The following CCDC69 variants were observed in gnomAD, a reference collection of about 807,000 sequenced individuals.
CCDC69 encodes the protein coiled-coil domain containing 69, also known as coiled-coil domain-containing protein 69.
CCDC69 carries 38 observed loss-of-function variants against 40.3 expected under a neutral mutation model. That is an observed-to-expected ratio of 0.94 (90% CI 0.73 to 1.24). The LOEUF is 1.24. CCDC69 is among the 50% of genes most tolerant of loss of function. CCDC69 has a pLI of 0.00. For synonymous variants in CCDC69, 141 were observed against 138.9 expected, an observed-to-expected ratio of 1.02 and a Z score of -0.11; for missense variants, 389 against 357.9, an observed-to-expected ratio of 1.09 and a Z score of -0.70.
At chr5:151,185,337 A>T in intron 7 of CCDC69, 85 bp downstream of exon 7, 1 of 1,492,538 alleles carries the variant, frequency 6.7e-7, no homozygotes, top group Non-Finnish European at 9.2e-7. Flanking sequence ...TCCTCAAACC[A>T]CCTCCCCTCT....
chr5:151,219,835 C>G (rs569014589), intron 1 of CCDC69, among the ~76,000 whole-genome samples: 1 of 152,028 alleles, frequency 6.6e-6, no homozygotes. Context: ...ATTTGCTAGT[C>G]GTAGGTTTGC....
intron 5 of CCDC69, 61 bp downstream of exon 5, chr5:151,187,325 T>A: frequency 1.3e-6 from 2 of 1,494,504 alleles, no homozygotes; most frequent in South Asian, 2.3e-5. Flanking sequence ...GGCTCCATGC[T>A]GCTTTCCCAT....
intron 1 of CCDC69, among the ~76,000 whole-genome samples, chr5:151,211,682 C>A (rs978912166): frequency 3.3e-5 from 5 of 152,008 alleles, no homozygotes; most frequent in African/African-American, 9.7e-5. Context: ...TACCACCACA[C>A]CAGGCTAATT....
At chr5:151,215,689 GA>G in intron 1 of CCDC69, 1 of 371,550 alleles carries the variant, frequency 2.7e-6, no homozygotes, top group Non-Finnish European at 5.8e-6. Flanking sequence ...GGGATTGCCT[GA>G]AAGCAGAGAA....
At chr5:151,193,240 G>A (rs940552290) in intron 4 of CCDC69, among the ~76,000 whole-genome samples, 3 of 151,334 alleles carry the variant, frequency 2.0e-5, no homozygotes, top group Non-Finnish European at 4.4e-5. Context: ...CAGGCCAGAT[G>A]CGGTGGCTCA....
At position 151,181,273 on chromosome 5, in the gene CCDC69, G is replaced by C. The variant is rs1013820935; in HGVS notation, c.*2164C>G. The stretch of plus-strand genomic sequence containing the variant: ...GCTCTGTCACCCGGGCTGGAGTGCA[G>C]TGGCGCGATCTTGGCTCACTGCAAG... On this transcript the variant is annotated 3_prime_UTR_variant, in exon 9 of 9. Transcript: ENST00000355417. 6.6e-6 allele frequency: 1 copy of C among 152,192 alleles called. No individual in the cohort carries two copies. The highest frequency in any genetic ancestry group is 6.6e-5 in the Admixed American group (1 of 15,258). The allele number at this position is 152,192 out of a possible 1,614,324, so 9.4% of individuals were successfully genotyped here. A position where few individuals can be genotyped will look rare whatever the true frequency, so the allele number is the denominator to read the frequency against.
intron 1 of CCDC69, among the ~76,000 whole-genome samples, chr5:151,214,932 A>G (rs996569424): frequency 7.9e-5 from 12 of 152,320 alleles, no homozygotes; most frequent in Admixed American, 7.2e-4. Flanking sequence ...AAGCCTTTCT[A>G]ATACACCTTA....
intron 7 of CCDC69, 134 bp from the exon 8 acceptor site, chr5:151,184,575 A>T (rs2113983622): frequency 1.7e-6 from 1 of 574,356 alleles, no homozygotes; most frequent in East Asian, 2.9e-5. Flanking sequence ...ATGGAGCAAT[A>T]AGGTAACTTA....
intron 4 of CCDC69, among the ~76,000 whole-genome samples, chr5:151,191,567 A>G (rs992355029): frequency 6.6e-6 from 1 of 152,198 alleles, no homozygotes; most frequent in African/African-American, 2.4e-5. Flanking sequence ...CAGAAAGAGA[A>G]CCAGAAAATC....
At chr5:151,221,788 C>G (rs1015809419) in intron 1 of CCDC69, among the ~76,000 whole-genome samples, 1 of 152,272 alleles carries the variant, frequency 6.6e-6, no homozygotes, top group African/African-American at 2.4e-5. Flanking sequence ...CCCTCTGTAG[C>G]CTGAGCTCAT....
At position 151,194,820 on chromosome 5, in the gene CCDC69, A is replaced by T. The variant is rs543536317; in HGVS notation, c.319+4177T>A. On this transcript the variant is annotated intron_variant, in intron 4 of 8. Coordinates refer to ENST00000355417, the MANE Select transcript of CCDC69 (RefSeq NM_015621.3). Reference sequence around the variant, plus strand: ...AGGCAAAGAATTGCTTGAACCCGGGAGGCGGAGGTTGCAGTGAGCCGAGAT... The same window carrying T: ...AGGCAAAGAATTGCTTGAACCCGGGTGGCGGAGGTTGCAGTGAGCCGAGAT... 8.7e-5 allele frequency among the ~76,000 whole-genome samples: 12 copies of T among 137,326 alleles called. No individual in the cohort carries two copies. The South Asian group carries it at 1.7e-3, about 20-fold the overall frequency. 90.1% of individuals were successfully genotyped at this position (137,326 alleles called of 152,430 possible). A position where few individuals can be genotyped will look rare whatever the true frequency, so the allele number is the denominator to read the frequency against.
intron 1 of CCDC69, among the ~76,000 whole-genome samples, chr5:151,216,802 T>C (rs1289498799): frequency 6.6e-6 from 1 of 152,166 alleles, no homozygotes; most frequent in Non-Finnish European, 1.5e-5. Context: ...GGTACCTCTC[T>C]TGGAACCTGA....
At chr5:151,200,143 CTT>C (rs200177477) in intron 3 of CCDC69, among the ~76,000 whole-genome samples, 2 of 145,618 alleles carry the variant, frequency 1.4e-5, no homozygotes, top group Admixed American at 1.4e-4. Flanking sequence ...ACTACGGAGA[CTT>C]TTTTTTTTTT....
rs200171089 is a variant in CCDC69 at position 151,201,586 on chromosome 5, T to C, written c.227A>G (p.Gln76Arg). 915 of 1,609,612 alleles carry C rather than the reference T, an allele frequency of 5.7e-4. 1 individual carries two copies. Among genetic ancestry groups the C allele is most frequent in the Non-Finnish European group, 7.4e-4 (875 of 1,176,232 alleles). ...QHEEEKKKWA[Q>R]QVEKERELEL... ...GGTGGGGGCACCTGGACTTACCTGTTGTGCCCATTTCTTCTTTTCCTCCTC... is the reference window on the plus strand; with the variant it reads ...GGTGGGGGCACCTGGACTTACCTGTCGTGCCCATTTCTTCTTTTCCTCCTC... The change falls in exon 3 of 9, where the codon CAA (glutamine) becomes CGA (arginine). Residue 76 changes from glutamine (Q) to arginine (R), a missense_variant. Coordinates refer to ENST00000355417, the MANE Select transcript of CCDC69 (RefSeq NM_015621.3).
At position 151,189,729 on chromosome 5, in the gene CCDC69, T is replaced by C. The variant is rs77733442; in HGVS notation, c.320-2270A>G. ...CTAATGACACAGAAAAGGTGTAGAA[T>C]GGAACCAGATAAAAATGGTACACTA... On this transcript the variant is annotated intron_variant, in intron 4 of 8. Transcript: ENST00000355417. Among the ~76,000 whole-genome samples the C allele has an allele frequency of 6.9e-3, 1,051 of 152,292 alleles. 8 individuals are homozygous for C. Among genetic ancestry groups the C allele is most frequent in the African/African-American group, 0.024 (1,011 of 41,552 alleles).
chr5:151,218,013 A>T (rs1388368023), intron 1 of CCDC69, among the ~76,000 whole-genome samples: 1 of 152,104 alleles, frequency 6.6e-6, no homozygotes, highest in South Asian at 2.1e-4. Context: ...TGCAGAGAGG[A>T]GGAAATCTGG....
chr5:151,191,499 C>T (rs980051180), intron 4 of CCDC69, among the ~76,000 whole-genome samples: 5 of 152,256 alleles, frequency 3.3e-5, no homozygotes, highest in African/African-American at 1.2e-4. Context: ...ACTATAAAAG[C>T]AGCAAAATAC....
At chr5:151,202,126 T>A (rs1283492212) in intron 2 of CCDC69, among the ~76,000 whole-genome samples, 1 of 139,846 alleles carries the variant, frequency 7.2e-6, no homozygotes, top group Admixed American at 7.6e-5. Context: ...GAGGCTGAGG[T>A]GGGAGGAGCA....
intron 1 of CCDC69, among the ~76,000 whole-genome samples, chr5:151,211,697 T>C (rs937741257): frequency 2.0e-5 from 3 of 152,004 alleles, no homozygotes; most frequent in Non-Finnish European, 1.5e-5. Flanking sequence ...CTAATTTTTG[T>C]ATTTTTAGTA....
Sources: allele counts gnomAD v4.1 joint callset (sites outside exome capture counted in the v4.1 genomes callset), GRCh38; gene constraint gnomAD v4.1.1; transcripts MANE v1.5; gene names NCBI Gene and HGNC (gene_info 2026-07-23, HGNC 2026-07-21).